HTR2C: variants seen among roughly 807,000 people sequenced by gnomAD.
HTR2C encodes 5-hydroxytryptamine receptor 2C, also known as 5-hydroxytryptamine (serotonin) receptor 2C, G protein-coupled.
In HTR2C, 5 loss-of-function variants were observed where a neutral mutation model predicts 21.0. The observed-to-expected ratio is 0.24, with a 90% CI of 0.12 to 0.50. HTR2C has a LOEUF of 0.50. Ranked by LOEUF, HTR2C falls within the 20% of genes least tolerant of loss-of-function variation. HTR2C has a pLI of 0.98. For synonymous variants in HTR2C, 150 were observed against 145.3 expected, an observed-to-expected ratio of 1.03 and a Z score of -0.23; for missense variants, 271 against 371.2, an observed-to-expected ratio of 0.73 and a Z score of 2.22.
At chrX:114,756,738 A>G (rs1376104429) in intron 4 of HTR2C, among the ~76,000 whole-genome samples, 1 of 111,896 alleles carries the variant, frequency 8.9e-6, no homozygotes, top group Non-Finnish European at 1.9e-5. Flanking sequence ...CCAAATGGTG[A>G]TGTTAATGTT....
chrX:114,749,470 A>G lies in HTR2C; in HGVS notation c.349+17863A>G, dbSNP rs1556427259. Among the ~76,000 whole-genome samples the G allele has an allele frequency of 1.0e-4, 11 of 105,829 alleles. No homozygotes were observed. The South Asian group carries it at 2.9e-3, about 28-fold the overall frequency. 91.9% of individuals were successfully genotyped at this position (105,829 alleles called of 115,157 possible). A position where few individuals can be genotyped will look rare whatever the true frequency, so the allele number is the denominator to read the frequency against. Reference sequence around the variant, plus strand: ...CCATGTCTCAAAAAAAAAAAAAAAAAAAAAAAGAAAAAAAAAAACAGTACT... The same window carrying G: ...CCATGTCTCAAAAAAAAAAAAAAAAGAAAAAAGAAAAAAAAAAACAGTACT... On this transcript the variant is annotated intron_variant, in intron 4 of 5. Transcript: ENST00000276198.
chrX:114,768,306 G>A (rs1256574180), intron 4 of HTR2C, among the ~76,000 whole-genome samples: 1 of 110,600 alleles, frequency 9.0e-6, no homozygotes, highest in African/African-American at 3.3e-5. Flanking sequence ...TGCTTCACAG[G>A]TATTTGTGAA....
At chrX:114,633,903 A>T (rs781853430) in intron 2 of HTR2C, among the ~76,000 whole-genome samples, 16 of 106,601 alleles carry the variant, frequency 1.5e-4, no homozygotes, top group African/African-American at 5.5e-4. Context: ...GAGAGGTAGT[A>T]AAAAAGTACG....
chrX:114,604,151 T>TG (rs1338956956), intron 1 of HTR2C, among the ~76,000 whole-genome samples: 17 of 106,779 alleles, frequency 1.6e-4, no homozygotes, highest in East Asian at 6.1e-4. Flanking sequence ...TGGGTTAAGG[T>TG]GGGGGGATAC....
chrX:114,718,922 A>G (rs963687753), intron 2 of HTR2C, among the ~76,000 whole-genome samples: 13 of 102,031 alleles, frequency 1.3e-4, no homozygotes, highest in African/African-American at 4.6e-4. Context: ...AATTTTATAT[A>G]ATTATATATA....
At chrX:114,723,513 C>T (rs1933311844) in intron 2 of HTR2C, among the ~76,000 whole-genome samples, 1 of 110,270 alleles carries the variant, frequency 9.1e-6, no homozygotes, top group Non-Finnish European at 1.9e-5. Flanking sequence ...GTCTCTATTT[C>T]CTTCAGTTCT....
intron 5 of HTR2C, among the ~76,000 whole-genome samples, chrX:114,897,756 A>G (rs1556484412): frequency 2.7e-5 from 3 of 112,361 alleles, no homozygotes; most frequent in Non-Finnish European, 5.6e-5. Flanking sequence ...TTATGGCTGC[A>G]TAGTATTCCG....
intron 5 of HTR2C, among the ~76,000 whole-genome samples, chrX:114,878,583 A>G (rs1025104777): frequency 1.8e-5 from 2 of 110,963 alleles, no homozygotes; most frequent in Non-Finnish European, 3.8e-5. Context: ...TCTTTGACCC[A>G]TAAGTCACTG....
intron 5 of HTR2C, among the ~76,000 whole-genome samples, chrX:114,882,455 T>A (rs1293134265): frequency 9.0e-6 from 1 of 110,971 alleles, no homozygotes; most frequent in Non-Finnish European, 1.9e-5. Flanking sequence ...TCTTTCATCA[T>A]TAAGATGTCT....
At chrX:114,638,195 T>C (rs781914882) in intron 2 of HTR2C, among the ~76,000 whole-genome samples, 1 of 111,865 alleles carries the variant, frequency 8.9e-6, no homozygotes. Flanking sequence ...GAAAACCTAC[T>C]CATGCCCCAA....
rs781815593 is a variant in HTR2C, at chrX:114,874,637, T to G, written c.550+26434T>G. On this transcript the variant is annotated intron_variant, in intron 5 of 5. Transcript: ENST00000276198. ...AAATCCCCTGCCTTAGCCTCCCGAG[T>G]AGCTGGGATTATAGATGTGCACCAC... is the stretch of plus-strand genomic sequence containing the variant. Among the ~76,000 whole-genome samples, 3 of 109,853 alleles carry G rather than the reference T, an allele frequency of 2.7e-5. No homozygotes were observed. In the South Asian group the frequency reaches 1.2e-3, roughly 44 times the overall value.
At chrX:114,726,832 T>C in intron 2 of HTR2C, 26 bp from the exon 3 acceptor site, 1 of 519,483 alleles carries the variant, frequency 1.9e-6, no homozygotes, top group East Asian at 4.1e-5. Context: ...TAACTAATTT[T>C]CTCTTTCTTC....
intron 2 of HTR2C, among the ~76,000 whole-genome samples, chrX:114,629,988 T>C: frequency 9.0e-6 from 1 of 111,290 alleles, no homozygotes; most frequent in Non-Finnish European, 1.9e-5. Context: ...AAGGTAACGA[T>C]TATTTGCCAA....
chrX:114,746,217 A>G (rs782584124), intron 4 of HTR2C, among the ~76,000 whole-genome samples: 4 of 111,653 alleles, frequency 3.6e-5, no homozygotes, highest in East Asian at 2.8e-4. Context: ...TAAGAATTCT[A>G]TACAACCTCT....
chrX:114,753,105 C>T lies in HTR2C; in HGVS notation c.349+21498C>T, dbSNP rs1221683212. Among the ~76,000 whole-genome samples the T allele has an allele frequency of 1.6e-4, 6 of 37,281 alleles. No homozygotes were observed. In the Admixed American group the frequency reaches 3.3e-3, roughly 20 times the overall value. The allele number at this position is 37,281 out of a possible 115,157, so 32.4% of individuals were successfully genotyped here. A position where few individuals can be genotyped will look rare whatever the true frequency, so the allele number is the denominator to read the frequency against. Reference sequence around the variant, plus strand: ...TTGAAGAATGACACTCTAGTGACTTCCCTGTGGTTTTTTTTTATCTCCAGT... The same window carrying T: ...TTGAAGAATGACACTCTAGTGACTTTCCTGTGGTTTTTTTTTATCTCCAGT... On this transcript the variant is annotated intron_variant, in intron 4 of 5. Transcript: ENST00000276198.
At chrX:114,883,066 T>C (rs1381683091) in intron 5 of HTR2C, among the ~76,000 whole-genome samples, 1 of 110,349 alleles carries the variant, frequency 9.1e-6, no homozygotes, top group African/African-American at 3.3e-5. Context: ...TCCAGTCACA[T>C]TGTCTTTTTT....
chrX:114,773,118 G>A (rs1556437569), intron 4 of HTR2C, among the ~76,000 whole-genome samples: 1 of 111,979 alleles, frequency 8.9e-6, no homozygotes, highest in Non-Finnish European at 1.9e-5. Flanking sequence ...ACTGTTTTTA[G>A]TAACTGAGCT....
At chrX:114,682,457 T>A (rs1237352353) in intron 2 of HTR2C, among the ~76,000 whole-genome samples, 5 of 111,642 alleles carry the variant, frequency 4.5e-5, no homozygotes, top group Non-Finnish European at 1.9e-5. Context: ...AATTTCTACA[T>A]ATTTCCATAT....
intron 2 of HTR2C, among the ~76,000 whole-genome samples, chrX:114,698,487 C>G (rs1556416188): frequency 2.0e-3 from 110 of 54,610 alleles, no homozygotes; most frequent in African/African-American, 3.9e-3. Flanking sequence ...CACGCACACA[C>G]ACAGAGAAAT....
Sources: gnomAD v4.1 joint callset for allele counts (sites outside exome capture counted in the v4.1 genomes callset) on GRCh38, gnomAD v4.1.1 for gene constraint, MANE v1.5 for transcripts, NCBI Gene and HGNC (gene_info 2026-07-23, HGNC 2026-07-21) for gene names.